Variants in LRRC28 observed in about 807,000 individuals in gnomAD.
The protein encoded by LRRC28 is leucine-rich repeat-containing protein 28.
Under a neutral mutation model 45.7 loss-of-function variants are expected in LRRC28, and 39 were observed. The ratio of observed to expected loss-of-function variants is 0.85; its 90% CI spans 0.66 to 1.12. LRRC28 has a LOEUF of 1.12. Ranked by LOEUF, LRRC28 falls within the 50% of genes most tolerant of loss-of-function variation. The pLI is 0.00. For synonymous variants in LRRC28, 206 were observed against 178.8 expected, an observed-to-expected ratio of 1.15 and a Z score of -1.22; for missense variants, 435 against 438.5, an observed-to-expected ratio of 0.99 and a Z score of 0.07.
chr15:99,270,169 A>G (rs2081437233), intron 2 of LRRC28, among the ~76,000 whole-genome samples: 1 of 152,226 alleles, frequency 6.6e-6, no homozygotes, highest in African/African-American at 2.4e-5. Context: ...TGATTCAACT[A>G]AAAAGCTTGT....
chr15:99,279,928 C>G (rs2081734895), intron 3 of LRRC28, among the ~76,000 whole-genome samples: 1 of 152,170 alleles, frequency 6.6e-6, no homozygotes, highest in Non-Finnish European at 1.5e-5. Context: ...TACATTTCCC[C>G]TGGCAATGTA....
intron 3 of LRRC28, among the ~76,000 whole-genome samples, chr15:99,281,382 T>C (rs1597223206): frequency 6.6e-6 from 1 of 152,074 alleles, no homozygotes; most frequent in East Asian, 1.9e-4. Context: ...CTCCCAAAGC[T>C]CTGGGATTAT....
chr15:99,366,238 G>C (rs1302716068), intron 9 of LRRC28, among the ~76,000 whole-genome samples: 1 of 152,152 alleles, frequency 6.6e-6, no homozygotes, highest in East Asian at 1.9e-4. Context: ...GGAGGGATCT[G>C]TTCCAGGCCT....
At chr15:99,296,624 T>TA (rs2082271064) in intron 5 of LRRC28, among the ~76,000 whole-genome samples, 1 of 152,202 alleles carries the variant, frequency 6.6e-6, no homozygotes, top group South Asian at 2.1e-4. Context: ...GCAATATACG[T>TA]AAATAGATTT....
chr15:99,356,878 A>G (rs373933153), intron 7 of LRRC28, among the ~76,000 whole-genome samples: 1 of 152,224 alleles, frequency 6.6e-6, no homozygotes, highest in Admixed American at 6.5e-5. Context: ...CCAGAAAACA[A>G]TGCAACTACA....
rs146950856 is a variant in LRRC28, at chr15:99,287,892, G to A, written c.326G>A (p.Arg109His). 804 of 1,613,758 alleles carry A rather than the reference G, an allele frequency of 5.0e-4. 2 individuals are homozygous for A. Among genetic ancestry groups the A allele is most frequent in the African/African-American group, 1.7e-3 (125 of 75,016 alleles). The change falls in exon 5 of 10, where the codon CGT becomes CAT. Residue 109 changes from arginine to histidine, a missense_variant. Coordinates refer to ENST00000301981, the MANE Select transcript of LRRC28 (RefSeq NM_144598.5). Reference protein sequence around the residue: ...ALEIVCPEIGRLRALRHLRLA... With the variant: ...ALEIVCPEIGHLRALRHLRLA... ...GAAATTGTTTGCCCAGAAATTGGTC[G>A]TCTGAGAGCTTTACGTCATCTTCGA...
At chr15:99,267,772 T>A (rs2081369788) in intron 2 of LRRC28, among the ~76,000 whole-genome samples, 1 of 152,240 alleles carries the variant, frequency 6.6e-6, no homozygotes, top group Non-Finnish European at 1.5e-5. Context: ...CCTGTTGAAT[T>A]TTCAGATTTA....
At chr15:99,270,338 G>A (rs1009588036) in intron 2 of LRRC28, among the ~76,000 whole-genome samples, 7 of 152,028 alleles carry the variant, frequency 4.6e-5, no homozygotes, top group South Asian at 2.1e-4. Context: ...TACATTCACC[G>A]TGGATGCAGC....
chr15:99,295,003 C>T (rs2082226882), intron 5 of LRRC28, among the ~76,000 whole-genome samples: 1 of 152,248 alleles, frequency 6.6e-6, no homozygotes, highest in Non-Finnish European at 1.5e-5. Flanking sequence ...TGGGGCTCGC[C>T]TCTTGTGTTC....
chr15:99,323,805 C>G (rs1269789108), intron 5 of LRRC28, among the ~76,000 whole-genome samples: 9 of 152,156 alleles, frequency 5.9e-5, no homozygotes, highest in Non-Finnish European at 1.3e-4. Flanking sequence ...ATTTTAATCA[C>G]TATTAATCTC....
intron 2 of LRRC28, among the ~76,000 whole-genome samples, chr15:99,271,244 T>C (rs1422684075): frequency 3.9e-5 from 6 of 152,144 alleles, no homozygotes; most frequent in Non-Finnish European, 7.4e-5. Flanking sequence ...TGGCCTGTAA[T>C]ACACACAAGT....
chr15:99,331,477 G>T (rs1298784006), intron 5 of LRRC28, among the ~76,000 whole-genome samples: 1 of 151,986 alleles, frequency 6.6e-6, no homozygotes, highest in Admixed American at 6.6e-5. Context: ...AAATTCTATT[G>T]CACTGCCTCT....
chr15:99,329,565 A>G (rs1956092740), intron 5 of LRRC28, among the ~76,000 whole-genome samples: 2 of 152,248 alleles, frequency 1.3e-5, no homozygotes, highest in African/African-American at 4.8e-5. Flanking sequence ...AGTCCATAAA[A>G]TTACATTATT....
At chr15:99,285,181 A>G (rs764469625) in intron 3 of LRRC28, 10 of 727,056 alleles carry the variant, frequency 1.4e-5, no homozygotes, top group South Asian at 5.4e-5. Context: ...CATGATTTCA[A>G]TCACTTCAAT....
intron 9 of LRRC28, among the ~76,000 whole-genome samples, chr15:99,373,866 A>G (rs932531618): frequency 6.6e-6 from 1 of 152,158 alleles, no homozygotes; most frequent in Non-Finnish European, 1.5e-5. Context: ...GTTCTAAGAA[A>G]TCTTTACCTA....
chr15:99,356,907 A>G (rs1450547199), intron 7 of LRRC28, among the ~76,000 whole-genome samples: 1 of 152,246 alleles, frequency 6.6e-6, no homozygotes, highest in African/African-American at 2.4e-5. Context: ...GTGCTAAAGA[A>G]AAAAGTCAAC....
chr15:99,361,417 G>GTT lies in LRRC28; in HGVS notation c.777_778insTT (p.Val260LeufsTer2), dbSNP rs1249631466. The GTT allele has an allele frequency of 3.7e-6, 6 of 1,613,844 alleles. No individual in the cohort carries two copies. In the African/African-American group the frequency reaches 8.0e-5, roughly 22 times the overall value. ...AGCGAACCGTTTTCCTCCCAGCTGAGGTGAAGGCCATAGGGACGGAGCATG... is the reference window on the plus strand; with the variant it reads ...AGCGAACCGTTTTCCTCCCAGCTGAGTTGTGAAGGCCATAGGGACGGAGCATG... On this transcript the variant is annotated frameshift_variant, in exon 8 of 10. Coordinates refer to ENST00000301981, the MANE Select transcript of LRRC28 (RefSeq NM_144598.5). LOFTEE classifies it high-confidence loss of function.
intron 9 of LRRC28, among the ~76,000 whole-genome samples, chr15:99,363,671 TG>T (rs1228972207): frequency 2.0e-5 from 3 of 152,254 alleles, no homozygotes; most frequent in Non-Finnish European, 4.4e-5. Flanking sequence ...TGTATGTGTG[TG>T]TGTTTGTGTG....
intron 2 of LRRC28, among the ~76,000 whole-genome samples, chr15:99,271,442 C>T (rs1181470490): frequency 6.6e-6 from 1 of 151,992 alleles, no homozygotes; most frequent in African/African-American, 2.4e-5. Context: ...CCATGCCCAG[C>T]TAATGTTTAT....
Sources: allele counts gnomAD v4.1 joint callset (sites outside exome capture counted in the v4.1 genomes callset), GRCh38; gene constraint gnomAD v4.1.1; transcripts MANE v1.5; gene names NCBI Gene and HGNC (gene_info 2026-07-23, HGNC 2026-07-21).